Variants in KCNH4 observed in about 807,000 individuals in gnomAD.
KCNH4 encodes voltage-gated delayed rectifier potassium channel KCNH4.
KCNH4 carries 33 observed loss-of-function variants against 90.7 expected under a neutral mutation model. The ratio of observed to expected loss-of-function variants is 0.36; its 90% CI spans 0.28 to 0.49. The LOEUF (loss-of-function observed/expected upper bound fraction) is 0.49. KCNH4 is among the 20% of genes least tolerant of loss of function. The pLI, the probability that KCNH4 is intolerant of heterozygous loss-of-function variation, is 0.98. For missense variants in KCNH4, 1,044 were observed against 1,387.1 expected (o/e 0.75, Z 3.93); for synonymous variants, 551 against 581.7 (o/e 0.95, Z 0.76).
chr17:42,171,452 G>A (rs1221240246), intron 7 of KCNH4, among the ~76,000 whole-genome samples: 1 of 151,966 alleles, frequency 6.6e-6, no homozygotes, highest in African/African-American at 2.4e-5. Flanking sequence ...ATTGATGGGG[G>A]CAGAGATGCT....
At position 42,171,919 on chromosome 17, in the gene KCNH4, G is replaced by C. The variant is rs1218782667; in HGVS notation, c.1064C>G (p.Ser355Cys). Residue 355 changes from serine to cysteine, a missense_variant, in exon 7 of 17, where the codon TCT becomes TGT. Physicochemically the swap from Ser to Cys is moderately radical, Grantham distance 112 (BLOSUM62 -1). Transcript: ENST00000264661. ...LRLLQKLERY[S>C]QCSAVVLTLL... Reference sequence around the variant, plus strand: ...CGTGAGCACCACAGCACTGCACTGAGAGTACCGCTCCAGCTTCTGCAGCAG... The same window carrying C: ...CGTGAGCACCACAGCACTGCACTGACAGTACCGCTCCAGCTTCTGCAGCAG... The C allele has an allele frequency of 1.2e-6, 2 of 1,613,810 alleles. No individual in the cohort carries two copies. Among genetic ancestry groups the C allele is most frequent in the Non-Finnish European group, 1.7e-6 (2 of 1,179,992 alleles).
intron 4 of KCNH4, among the ~76,000 whole-genome samples, chr17:42,176,510 T>C (rs1377269738): frequency 1.8e-5 from 1 of 56,198 alleles, no homozygotes; most frequent in Non-Finnish European, 3.5e-5. Context: ...GCCCTCCTCC[T>C]TTTTTTTTTT....
intron 11 of KCNH4, among the ~76,000 whole-genome samples, chr17:42,164,778 G>T (rs2079774722): frequency 6.6e-6 from 1 of 151,390 alleles, no homozygotes; most frequent in South Asian, 2.1e-4. Flanking sequence ...CTCCAGGCTG[G>T]GTGACAGAGC....
At position 42,176,136 on chromosome 17, in the gene KCNH4, A is replaced by G. The variant is rs762422898; in HGVS notation, c.747T>C (p.Cys249=). Residue 249 remains cysteine, a synonymous_variant, in exon 5 of 17, where the codon TGT becomes TGC. Coordinates refer to ENST00000264661, the MANE Select transcript of KCNH4 (RefSeq NM_012285.3). ...TGGGGGTGTCATCGTCACCCGAGAA[A>G]CAGACATTGTAGGGGACGGTGACCG... ...YVAVTVPYNV[C]FSGDDDTPIT... The G allele has an allele frequency of 6.2e-7, 1 of 1,613,886 alleles. No individual in the cohort carries two copies. Among genetic ancestry groups the G allele is most frequent in the Non-Finnish European group, 8.5e-7 (1 of 1,179,904 alleles).
At chr17:42,173,382 T>C (rs527265272) in intron 6 of KCNH4, among the ~76,000 whole-genome samples, 12 of 152,308 alleles carry the variant, frequency 7.9e-5, no homozygotes, top group Non-Finnish European at 8.8e-5. Flanking sequence ...CAGGGTTTAA[T>C]GCCTACCCCC....
rs773078891 is a variant in KCNH4, at chr17:42,163,362, C to T, written c.2478-28G>A. The T allele has an allele frequency of 1.6e-4, 251 of 1,541,308 alleles. No individual in the cohort carries two copies. Among genetic ancestry groups the T allele is most frequent in the Non-Finnish European group, 2.0e-4 (228 of 1,115,078 alleles). On this transcript the variant is annotated intron_variant, in intron 13 of 16. Coordinates refer to ENST00000264661, the MANE Select transcript of KCNH4 (RefSeq NM_012285.3). The surrounding 1 kb of genome is among the most constrained non-coding windows in gnomAD (Gnocchi z 5.4). The stretch of plus-strand genomic sequence containing the variant: ...GGGAACAGGGCAGTGCTCATCAGCA[C>T]CATGGGGTGAGGGTAAGGGCCAGAG...
intron 6 of KCNH4, among the ~76,000 whole-genome samples, chr17:42,172,772 A>G (rs1385076569): frequency 6.6e-6 from 1 of 151,922 alleles, no homozygotes; most frequent in Non-Finnish European, 1.5e-5. Context: ...GGGAGATGGT[A>G]GGGGAGCCGG....
intron 9 of KCNH4, among the ~76,000 whole-genome samples, chr17:42,167,041 C>A (rs574119847): frequency 2.6e-4 from 40 of 152,284 alleles, no homozygotes; most frequent in African/African-American, 9.1e-4. Context: ...AGCCCCTTGG[C>A]CACCCTGGCT....
intron 4 of KCNH4, 73 bp from the exon 5 acceptor site, chr17:42,176,370 G>A: frequency 1.4e-6 from 2 of 1,423,424 alleles, no homozygotes; most frequent in Non-Finnish European, 9.7e-7. Context: ...GGAAAGGCAG[G>A]GGATGGGGAA....
rs755943228 is a variant in KCNH4, at chr17:42,169,579, C to T, written c.1488G>A (p.Lys496=). ...SLYHSRMKDL[K]DFIRVHRLPR... is the part of the protein sequence containing the mutation. ...GCAGGCGGTGCACACGGATGAAGTC[C>T]TTGAGGTCCTTCATGCGGCTGTGGT... Residue 496 remains lysine, a synonymous_variant, in exon 9 of 17, where the codon AAG becomes AAA. Coordinates refer to ENST00000264661, the MANE Select transcript of KCNH4 (RefSeq NM_012285.3). 1.9e-6 allele frequency: 3 copies of T among 1,613,974 alleles called. No homozygotes were observed. Among genetic ancestry groups the T allele is most frequent in the South Asian group, 1.1e-5 (1 of 91,092 alleles).
intron 16 of KCNH4, 91 bp from the exon 17 acceptor site, chr17:42,157,209 A>C (rs1015298288): frequency 2.6e-5 from 4 of 152,268 alleles, no homozygotes; most frequent in Non-Finnish European, 5.9e-5. Flanking sequence ...TGTTGGGCAC[A>C]GGGACCTGGG....
In KCNH4 at chr17:42,180,982, A is replaced by C. The variant is rs2079897371; in HGVS notation, c.-37T>G. Reference sequence around the variant, plus strand: ...GTGGGTTCAAGGCGCGGCGCTGGGGAGCTTTCAGCGCGGCCGGGCCGGAGG... The same window carrying C: ...GTGGGTTCAAGGCGCGGCGCTGGGGCGCTTTCAGCGCGGCCGGGCCGGAGG... On this transcript the variant is annotated 5_prime_UTR_variant, in exon 1 of 17. Transcript: ENST00000264661. This position sits in a 1 kb window ranked among gnomAD's most constrained non-coding sequence, Gnocchi z 4.7. The C allele has an allele frequency of 6.3e-7, 1 of 1,588,760 alleles. No homozygotes were observed. Among genetic ancestry groups the C allele is most frequent in the African/African-American group, 1.4e-5 (1 of 72,772 alleles).
Position 42,162,230 on chromosome 17 carries a change from G to A in KCNH4, c.2658+18C>T. On this transcript the variant is annotated intron_variant, in intron 15 of 16. Coordinates refer to ENST00000264661, the MANE Select transcript of KCNH4 (RefSeq NM_012285.3). Reference sequence around the variant, plus strand: ...ATGCTGTTATATCAGGCACGTCTCTGAGCCAGCCCCAACCCACCTCCTGGT... The same window carrying A: ...ATGCTGTTATATCAGGCACGTCTCTAAGCCAGCCCCAACCCACCTCCTGGT... 1 of 1,612,550 alleles carries A rather than the reference G, an allele frequency of 6.2e-7. No homozygotes were observed. Among genetic ancestry groups the A allele is most frequent in the Non-Finnish European group, 8.5e-7 (1 of 1,178,840 alleles).
chr17:42,172,861 C>T (rs1292170659), intron 6 of KCNH4, among the ~76,000 whole-genome samples: 1 of 151,868 alleles, frequency 6.6e-6, no homozygotes, highest in East Asian at 1.9e-4. Flanking sequence ...TGGGGACCCC[C>T]CTTTAAGACA....
Position 42,175,654 on chromosome 17 carries a change from G to A in KCNH4, c.912C>T (p.Tyr304=), listed in dbSNP as rs778991393. The A allele has an allele frequency of 2.5e-6, 4 of 1,614,182 alleles. No individual in the cohort carries two copies. Among genetic ancestry groups the A allele is most frequent in the East Asian group, 4.5e-5 (2 of 44,890 alleles). Reference sequence around the variant, plus strand: ...GGTCGATGAAGAACCAGGTGGCCAGGTAGTGGAGGCCAATGGAACGAGGAG... The same window carrying A: ...GGTCGATGAAGAACCAGGTGGCCAGATAGTGGAGGCCAATGGAACGAGGAG... The part of the protein sequence containing the change: ...ISAPRSIGLH[Y]LATWFFIDLI... Residue 304 remains tyrosine, a synonymous_variant, in exon 6 of 17, where the codon TAC becomes TAT. Transcript: ENST00000264661.
At chr17:42,172,477 A>G (rs1270868144) in intron 6 of KCNH4, among the ~76,000 whole-genome samples, 1 of 149,666 alleles carries the variant, frequency 6.7e-6, no homozygotes, top group Non-Finnish European at 1.5e-5. Context: ...CGGCCTTAGT[A>G]AGTACGTTCT....
At chr17:42,165,830 G>GAATATAACCAATGGAATTGGGA in intron 10 of KCNH4, 137 bp from the exon 11 acceptor site, 1 of 1,014,004 alleles carries the variant, frequency 9.9e-7, no homozygotes, top group South Asian at 1.5e-5. Flanking sequence ...GGGATTGGTG[G>GAATATAACCAATGGAATTGGGA]AAATAACCAA....
In KCNH4 at chr17:42,166,338, G is replaced by A; in HGVS notation, c.1799C>T (p.Ser600Leu). Residue 600 changes from serine (S) to leucine (L), a missense_variant, in exon 10 of 17, where the codon TCG (serine) becomes TTG (leucine). Coordinates refer to ENST00000264661, the MANE Select transcript of KCNH4 (RefSeq NM_012285.3). ...CATGTTGTCTCGGAGCACCTCAAGC[G>A]AGCCGGAGCAGACATAGTAATGTGC... ...LQAHYYVCSG[S>L]LEVLRDNMVL... is the part of the protein sequence containing the mutation. 1.2e-6 allele frequency: 2 copies of A among 1,611,854 alleles called. No homozygotes were observed. Among genetic ancestry groups the A allele is most frequent in the Non-Finnish European group, 1.7e-6 (2 of 1,179,038 alleles).
chr17:42,166,199 G>T, intron 10 of KCNH4, 98 bp downstream of exon 10: 1 of 1,426,932 alleles, frequency 7.0e-7, no homozygotes, highest in Non-Finnish European at 9.4e-7. Flanking sequence ...TCCACGAGGG[G>T]TATCCCATTC....
Sources: gnomAD v4.1 joint callset for allele counts (sites outside exome capture counted in the v4.1 genomes callset) on GRCh38, gnomAD v4.1.1 for gene constraint, Gnocchi (gnomAD v3.1) non-coding constraint, MANE v1.5 for transcripts, NCBI Gene and HGNC (gene_info 2026-07-23, HGNC 2026-07-21) for gene names.